The following SDHB variants were observed in gnomAD, a reference collection of about 807,000 sequenced individuals.
SDHB encodes the protein succinate dehydrogenase [ubiquinone] iron-sulfur subunit, mitochondrial.
SDHB carries 21 observed loss-of-function variants against 39.7 expected under a neutral mutation model. That is an observed-to-expected ratio of 0.53 (90% CI 0.37 to 0.76). SDHB has a LOEUF of 0.76. SDHB is among the 30% of genes least tolerant of loss of function. The pLI is 0.00. For synonymous variants in SDHB, 118 were observed against 117.0 expected, an observed-to-expected ratio of 1.01 and a Z score of -0.06; for missense variants, 343 against 350.9, an observed-to-expected ratio of 0.98 and a Z score of 0.18.
chr1:17,047,952 T>A (rs2078123268), intron 1 of SDHB, among the ~76,000 whole-genome samples: 1 of 152,128 alleles, frequency 6.6e-6, no homozygotes, highest in East Asian at 1.9e-4. Flanking sequence ...AGAGTTGGGA[T>A]ATAGGCATGA....
intron 3 of SDHB, among the ~76,000 whole-genome samples, chr1:17,029,998 T>C (rs926488458): frequency 6.6e-6 from 1 of 152,188 alleles, no homozygotes; most frequent in Non-Finnish European, 1.5e-5. Flanking sequence ...GGTCAGGAGT[T>C]CGAGACCAGT....
At chr1:17,024,431 T>C (rs1008015660) in intron 5 of SDHB, among the ~76,000 whole-genome samples, 1 of 152,184 alleles carries the variant, frequency 6.6e-6, no homozygotes, top group Non-Finnish European at 1.5e-5. Flanking sequence ...TTCAAAAGCC[T>C]AGGGGCTGAA....
chr1:17,030,492 T>C (rs898219459), intron 3 of SDHB, among the ~76,000 whole-genome samples: 1 of 152,094 alleles, frequency 6.6e-6, no homozygotes, highest in Non-Finnish European at 1.5e-5. Context: ...ACAAAAAACG[T>C]GCTGACCCAG....
intron 5 of SDHB, 166 bp downstream of exon 5, chr1:17,027,583 C>T (rs2077998101): frequency 1.5e-6 from 1 of 666,358 alleles, no homozygotes; most frequent in Non-Finnish European, 2.7e-6. Flanking sequence ...CGGGTTCACA[C>T]TACTCACCCG....
Position 17,025,610 on chromosome 1 carries a change from A to G in SDHB, c.541-1536T>C, listed in dbSNP as rs375927204. Reference sequence around the variant, plus strand: ...GTTTTTGTAGAGACAGGGTCGCCCTATGTTCCCCAGGCTGAAAATTATAGC... The same window carrying G: ...GTTTTTGTAGAGACAGGGTCGCCCTGTGTTCCCCAGGCTGAAAATTATAGC... On this transcript the variant is annotated intron_variant, in intron 5 of 7. Coordinates refer to ENST00000375499, the MANE Select transcript of SDHB (RefSeq NM_003000.3). Among the ~76,000 whole-genome samples the G allele has an allele frequency of 3.3e-5, 5 of 152,240 alleles. No homozygotes were observed. The South Asian group carries it at 1.0e-3, about 32-fold the overall frequency.
chr1:17,045,334 C>T (rs2078103542), intron 1 of SDHB: 2 of 212,670 alleles, frequency 9.4e-6, no homozygotes, highest in Admixed American at 1.1e-4. Flanking sequence ...GGGGTGTGGT[C>T]TGAGGGTGGT....
chr1:17,031,773 C>T (rs1424414902), intron 3 of SDHB, among the ~76,000 whole-genome samples: 1 of 152,028 alleles, frequency 6.6e-6, no homozygotes, highest in Non-Finnish European at 1.5e-5. Flanking sequence ...AGTGTCCTCA[C>T]AGAATCAAGC....
chr1:17,049,863 T>C (rs1267332405), intron 1 of SDHB, among the ~76,000 whole-genome samples: 1 of 151,686 alleles, frequency 6.6e-6, no homozygotes, highest in Non-Finnish European at 1.5e-5. Context: ...GCCAGGATGG[T>C]CTTGAACTCC....
At chr1:17,045,298 A>G (rs1268315663) in intron 1 of SDHB, 1 of 263,032 alleles carries the variant, frequency 3.8e-6, no homozygotes, top group African/African-American at 2.3e-5. Context: ...GAGGCTTGAC[A>G]AACCAGAATT....
At chr1:17,036,935 A>G (rs189347370) in intron 2 of SDHB, among the ~76,000 whole-genome samples, 13 of 151,950 alleles carry the variant, frequency 8.6e-5, no homozygotes, top group Non-Finnish European at 1.6e-4. Flanking sequence ...TAGTATTACA[A>G]GTGTGAGCCA....
intron 7 of SDHB, 132 bp downstream of exon 7, chr1:17,022,476 G>A: frequency 7.9e-7 from 1 of 1,269,772 alleles, no homozygotes; most frequent in South Asian, 1.2e-5. Context: ...ACACTGAAAG[G>A]ACAGGCATAT....
chr1:17,033,937 T>C (rs991189798), intron 2 of SDHB, among the ~76,000 whole-genome samples: 1 of 152,174 alleles, frequency 6.6e-6, no homozygotes, highest in African/African-American at 2.4e-5. Context: ...GAACCTCAGT[T>C]TATCTGTAGA....
intron 2 of SDHB, among the ~76,000 whole-genome samples, chr1:17,034,505 C>T (rs754768186): frequency 1.1e-4 from 16 of 151,948 alleles, no homozygotes; most frequent in Admixed American, 3.9e-4. Flanking sequence ...CTCAGCCTCC[C>T]GAGTAGCTGG....
intron 1 of SDHB, among the ~76,000 whole-genome samples, chr1:17,046,698 T>A (rs1162149355): frequency 6.6e-6 from 1 of 152,174 alleles, no homozygotes; most frequent in African/African-American, 2.4e-5. Context: ...AAATGCTTTT[T>A]TAAAAAATTA....
rs1352485549 is a variant in SDHB, at chr1:17,033,042, C to G, written c.286+18G>C. 1 of 1,599,390 alleles carries G rather than the reference C, an allele frequency of 6.3e-7. No homozygotes were observed. The highest frequency in any genetic ancestry group is 8.6e-7 in the Non-Finnish European group (1 of 1,166,712). ...AAGACCACAAGTATCTGGAGCCCAA[C>G]AGGAATGAAATGCTCACCTTCTCTG... On this transcript the variant is annotated intron_variant, in intron 3 of 7. Transcript: ENST00000375499.
chr1:17,032,346 C>T (rs113751922), intron 3 of SDHB, among the ~76,000 whole-genome samples: 2 of 87,396 alleles, frequency 2.3e-5, no homozygotes, highest in Non-Finnish European at 4.3e-5. Context: ...CGCTATCACG[C>T]CCGGCTAATT....
intron 2 of SDHB, among the ~76,000 whole-genome samples, chr1:17,043,177 T>A (rs1184735954): frequency 3.3e-5 from 5 of 152,072 alleles, no homozygotes; most frequent in African/African-American, 1.2e-4. Flanking sequence ...GCCAGGCTAG[T>A]CTTGAATGCC....
intron 2 of SDHB, among the ~76,000 whole-genome samples, chr1:17,043,066 A>C (rs2078090460): frequency 7.0e-6 from 1 of 142,630 alleles, no homozygotes; most frequent in South Asian, 2.2e-4. Flanking sequence ...GGTTCAAGTG[A>C]TTCTCATGCC....
chr1:17,027,631 C>T, intron 5 of SDHB, 118 bp downstream of exon 5: 1 of 769,842 alleles, frequency 1.3e-6, no homozygotes, highest in Non-Finnish European at 2.4e-6. Context: ...TGTGCCAGTT[C>T]CTCTCCAGAA....
Sources: gnomAD v4.1 joint callset for allele counts (sites outside exome capture counted in the v4.1 genomes callset) on GRCh38, gnomAD v4.1.1 for gene constraint, MANE v1.5 for transcripts, NCBI Gene and HGNC (gene_info 2026-07-23, HGNC 2026-07-21) for gene names.